The following NUDC variants were observed in gnomAD, a reference collection of about 807,000 sequenced individuals.
The protein encoded by NUDC is nuclear distribution C, dynein complex regulator, also known as nuclear migration protein nudC.
Under a neutral mutation model 45.0 loss-of-function variants are expected in NUDC, and 14 were observed. The observed-to-expected ratio is 0.31, with a 90% CI of 0.21 to 0.49. The LOEUF (loss-of-function observed/expected upper bound fraction) is 0.49. Among genes scored for constraint, NUDC ranks in the 20% least tolerant of loss-of-function variants. The pLI is 0.99. For missense variants in NUDC, 323 were observed against 426.2 expected, an observed-to-expected ratio of 0.76 and a Z score of 2.13; for synonymous variants, 153 against 156.7, an observed-to-expected ratio of 0.98 and a Z score of 0.17.
upstream of NUDC, among the ~76,000 whole-genome samples, chr1:26,920,224 T>G (rs563428166): frequency 6.6e-5 from 10 of 152,254 alleles, no homozygotes; most frequent in African/African-American, 2.4e-4. Context: ...GCGCAGTGGC[T>G]CATGCCTGTA....
At chr1:26,917,223 A>G (rs1470332383), upstream of NUDC, among the ~76,000 whole-genome samples, 2 of 151,956 alleles carry the variant, frequency 1.3e-5, no homozygotes, top group Non-Finnish European at 2.9e-5. Context: ...GTGCCACTGC[A>G]CTCCAGACTG....
At chr1:26,909,171 C>T (rs1364784479) in intron 2 of NUDC, among the ~76,000 whole-genome samples, 2 of 152,182 alleles carry the variant, frequency 1.3e-5, no homozygotes, top group East Asian at 1.9e-4. Flanking sequence ...GACAGGGTTT[C>T]ACCATGTTGG....
intron 1 of NUDC, among the ~76,000 whole-genome samples, chr1:26,922,690 G>T (rs1410193744): frequency 3.3e-5 from 5 of 152,210 alleles, no homozygotes; most frequent in Non-Finnish European, 7.3e-5. Context: ...GCAAGGATTT[G>T]CCTAGATCAT....
rs527258417 is a variant in NUDC, at chr1:26,938,491, A to G, written c.160-2966A>G. Among the ~76,000 whole-genome samples, 7 of 152,190 alleles carry G rather than the reference A, an allele frequency of 4.6e-5. No individual in the cohort carries two copies. In the South Asian group the frequency reaches 8.3e-4, roughly 18 times the overall value. ...GCCTCTGCTGGTGTAATTATGACCT[A>G]TTGTTTCTACTGACAGCAGAATGGC... On this transcript the variant is annotated intron_variant, in intron 2 of 8. Coordinates refer to ENST00000321265, the MANE Select transcript of NUDC (RefSeq NM_006600.4).
chr1:26,911,835 C>T (rs561646628), intron 3 of NUDC: 1 of 1,614,148 alleles, frequency 6.2e-7, no homozygotes. Flanking sequence ...TCTGCCTGGG[C>T]TGGAACAGGT....
At chr1:26,908,331 T>G (rs1240099482) in intron 2 of NUDC, among the ~76,000 whole-genome samples, 1 of 152,186 alleles carries the variant, frequency 6.6e-6, no homozygotes, top group Non-Finnish European at 1.5e-5. Context: ...TCCCCACTTT[T>G]GGAAAGCCTA....
intron 3 of NUDC, chr1:26,912,111 GCT>G (rs763281623): frequency 1.2e-6 from 2 of 1,612,126 alleles, no homozygotes; most frequent in Non-Finnish European, 1.7e-6. Flanking sequence ...GGAGAAGAGG[GCT>G]GGTGAGCACC....
At chr1:26,936,479 C>T (rs369203207) in intron 2 of NUDC, among the ~76,000 whole-genome samples, 12 of 151,320 alleles carry the variant, frequency 7.9e-5, no homozygotes, top group East Asian at 2.0e-4. Context: ...TGTGAGCCAC[C>T]GAGCCCAGCC....
At chr1:26,929,705 C>G (rs1443608547) in intron 2 of NUDC, 2 of 451,224 alleles carry the variant, frequency 4.4e-6, no homozygotes, top group Non-Finnish European at 4.5e-6. Flanking sequence ...ATGTGACTAT[C>G]TAAAAGAAAA....
chr1:26,945,155 T>C (rs1486442803), intron 6 of NUDC: 1 of 596,728 alleles, frequency 1.7e-6, no homozygotes, highest in Non-Finnish European at 3.0e-6. Context: ...CCTGGATGAA[T>C]ATCTCCCTTT....
intron 4 of NUDC, 33 bp downstream of exon 4, chr1:26,941,851 A>C (rs575737305): frequency 1.9e-6 from 3 of 1,605,334 alleles, no homozygotes; most frequent in South Asian, 2.2e-5. Flanking sequence ...GGGATGAGCC[A>C]GGAGCTTGGA....
At chr1:26,906,372 C>T (rs2082002973) in intron 2 of NUDC, among the ~76,000 whole-genome samples, 1 of 151,722 alleles carries the variant, frequency 6.6e-6, no homozygotes, top group Admixed American at 6.6e-5. Flanking sequence ...ACAAGAACCG[C>T]TTGAACCCAG....
chr1:26,922,666 G>C (rs1387530910), intron 1 of NUDC, among the ~76,000 whole-genome samples: 1 of 152,224 alleles, frequency 6.6e-6, no homozygotes, highest in Non-Finnish European at 1.5e-5. Context: ...CTCATTCTCA[G>C]AGCCAGAGAA....
intron 1 of NUDC, 45 bp downstream of exon 1, chr1:26,921,974 G>T (rs1315260647): frequency 1.3e-6 from 2 of 1,530,988 alleles, no homozygotes; most frequent in East Asian, 2.5e-5. Flanking sequence ...CCTTGGCCAC[G>T]CTCCTTCCGC....
chr1:26,909,772 G>A (rs1283782665), intron 2 of NUDC, among the ~76,000 whole-genome samples: 1 of 152,082 alleles, frequency 6.6e-6, no homozygotes, highest in African/African-American at 2.4e-5. Context: ...GGGAGGGCAG[G>A]TCAGAGAGAG....
At chr1:26,936,165 ATTTTTTTTTTTTTTTTTTTT>A (rs869056480) in intron 2 of NUDC, among the ~76,000 whole-genome samples, 3 of 10,496 alleles carry the variant, frequency 2.9e-4, no homozygotes, top group African/African-American at 1.5e-3. Context: ...ATATATATAT[ATTTTTTTTTTTTTTTTTTTT>A]TTTTTTTTTT....
intron 2 of NUDC, among the ~76,000 whole-genome samples, chr1:26,905,160 T>TA (rs1557664106): frequency 8.4e-6 from 1 of 118,726 alleles, no homozygotes; most frequent in Admixed American, 8.4e-5. Context: ...TATTATTATT[T>TA]TTTTTTTTTT....
At chr1:26,936,165 ATTTTTTTTTTTTTTTTTTTTTTTT>A (rs869056480) in intron 2 of NUDC, among the ~76,000 whole-genome samples, 2 of 10,496 alleles carry the variant, frequency 1.9e-4, no homozygotes, top group Non-Finnish European at 3.0e-4. Flanking sequence ...ATATATATAT[ATTTTTTTTTTTTTTTTTTTTTTTT>A]TTTTTTTTTT....
chr1:26,923,124 A>G (rs1482899019), intron 1 of NUDC, among the ~76,000 whole-genome samples: 2 of 152,196 alleles, frequency 1.3e-5, no homozygotes, highest in Non-Finnish European at 2.9e-5. Context: ...ACCTTTAGCC[A>G]TATCTGGTGC....
Sources: allele counts gnomAD v4.1 joint callset (sites outside exome capture counted in the v4.1 genomes callset), GRCh38; gene constraint gnomAD v4.1.1; transcripts MANE v1.5; gene names NCBI Gene and HGNC (gene_info 2026-07-23, HGNC 2026-07-21).